Variants in PDE7B observed in about 807,000 individuals in gnomAD.
The protein encoded by PDE7B is phosphodiesterase 7B.
In PDE7B, 29 loss-of-function variants were observed where a neutral mutation model predicts 56.2. That is an observed-to-expected ratio of 0.52 (90% CI 0.38 to 0.70). PDE7B has a LOEUF of 0.70. Among genes scored for constraint, PDE7B ranks in the 30% least tolerant of loss-of-function variants. The pLI is 0.00. For synonymous variants in PDE7B, 197 were observed against 196.9 expected (o/e 1.00, Z 0.00); for missense variants, 490 against 565.0 (o/e 0.87, Z 1.35).
chr6:135,978,776 G>A (rs1223460576), intron 2 of PDE7B, among the ~76,000 whole-genome samples: 1 of 151,736 alleles, frequency 6.6e-6, no homozygotes, highest in Non-Finnish European at 1.5e-5. Context: ...GGAGATTTTG[G>A]GCTGAGACAA....
intron 2 of PDE7B, among the ~76,000 whole-genome samples, chr6:136,023,969 A>C (rs967745861): frequency 2.6e-5 from 4 of 152,136 alleles, no homozygotes; most frequent in African/African-American, 9.7e-5. Flanking sequence ...GCTTTTTGCA[A>C]TGCCATTAAG....
At chr6:136,048,107 G>C (rs1442659382) in intron 2 of PDE7B, among the ~76,000 whole-genome samples, 1 of 152,116 alleles carries the variant, frequency 6.6e-6, no homozygotes. Flanking sequence ...CAGACAGACA[G>C]ACAGATAGAT....
intron 5 of PDE7B, 25 bp downstream of exon 5, chr6:136,149,175 C>T (rs1450751367): frequency 1.4e-6 from 2 of 1,434,872 alleles, no homozygotes; most frequent in South Asian, 2.3e-5. Context: ...AGAATTCTCA[C>T]TAAAATATAC....
At chr6:135,864,340 C>T (rs1240830158) in intron 1 of PDE7B, among the ~76,000 whole-genome samples, 1 of 152,034 alleles carries the variant, frequency 6.6e-6, no homozygotes, top group African/African-American at 2.4e-5. Context: ...ACATCTTCTT[C>T]ATTCTTTCCT....
chr6:136,167,354 G>C (rs372063830), intron 8 of PDE7B, among the ~76,000 whole-genome samples: 6 of 152,118 alleles, frequency 3.9e-5, no homozygotes, highest in Non-Finnish European at 5.9e-5. Flanking sequence ...TGTGTCATGG[G>C]GGGGAACAGT....
At chr6:136,055,021 C>G (rs1776705830) in intron 2 of PDE7B, among the ~76,000 whole-genome samples, 1 of 152,172 alleles carries the variant, frequency 6.6e-6, no homozygotes. Context: ...AGGTGAGAGC[C>G]AAACCATATC....
At chr6:135,866,883 G>A (rs184547722) in intron 1 of PDE7B, among the ~76,000 whole-genome samples, 1 of 152,268 alleles carries the variant, frequency 6.6e-6, no homozygotes, top group Admixed American at 6.5e-5. Context: ...CCTAGAGTAA[G>A]CTTAGCTATG....
chr6:136,143,112 T>A lies in PDE7B; in HGVS notation c.167-4239T>A, dbSNP rs189482061. Among the ~76,000 whole-genome samples, 627 of 152,258 alleles carry A rather than the reference T, an allele frequency of 4.1e-3. 5 individuals are homozygous for A. The highest frequency in any genetic ancestry group is 0.014 in the African/African-American group (588 of 41,570). On this transcript the variant is annotated intron_variant, in intron 3 of 12. Coordinates refer to ENST00000308191, the MANE Select transcript of PDE7B (RefSeq NM_018945.4). ...ACTGGTTGTTCCTTTCCATGTTTAGTGCTTCCTTCAGGAGCTCTTTTAGGG... is the reference window on the plus strand; with the variant it reads ...ACTGGTTGTTCCTTTCCATGTTTAGAGCTTCCTTCAGGAGCTCTTTTAGGG...
chr6:136,096,379 A>G (rs940419782), intron 2 of PDE7B: 17 of 152,162 alleles, frequency 1.1e-4, no homozygotes, highest in Non-Finnish European at 2.1e-4. Context: ...AAGTTCAAAA[A>G]AACAAGAAAT....
At chr6:135,875,074 A>G (rs1282752071) in intron 1 of PDE7B, among the ~76,000 whole-genome samples, 2 of 151,952 alleles carry the variant, frequency 1.3e-5, no homozygotes, top group Non-Finnish European at 2.9e-5. Flanking sequence ...TTTTCCTGAT[A>G]GATCTTTTTT....
chr6:136,152,270 A>G (rs1237456209), intron 6 of PDE7B, among the ~76,000 whole-genome samples: 1 of 152,246 alleles, frequency 6.6e-6, no homozygotes, highest in Non-Finnish European at 1.5e-5. Flanking sequence ...ACAAACCTCC[A>G]GCAGCATGCG....
intron 2 of PDE7B, among the ~76,000 whole-genome samples, chr6:136,028,157 G>A (rs781394607): frequency 8.5e-5 from 13 of 152,236 alleles, no homozygotes; most frequent in East Asian, 1.9e-4. Flanking sequence ...AATTAAGGGC[G>A]CAGCACTGAG....
intron 1 of PDE7B, among the ~76,000 whole-genome samples, chr6:135,868,988 T>C (rs372415155): frequency 6.6e-6 from 1 of 152,160 alleles, no homozygotes; most frequent in East Asian, 1.9e-4. Context: ...AATATACATA[T>C]ATTATATCAA....
At chr6:136,000,466 A>G (rs1164346086) in intron 2 of PDE7B, among the ~76,000 whole-genome samples, 3 of 152,212 alleles carry the variant, frequency 2.0e-5, no homozygotes, top group Admixed American at 1.3e-4. Flanking sequence ...TCTTCTGCAC[A>G]TGGCTAGCCA....
At chr6:135,955,121 C>A (rs578150628) in intron 2 of PDE7B, among the ~76,000 whole-genome samples, 1 of 152,102 alleles carries the variant, frequency 6.6e-6, no homozygotes, top group African/African-American at 2.4e-5. Context: ...GTTCAATCAA[C>A]AAACACTTCA....
In PDE7B at chr6:136,163,495, G is replaced by A. The variant is rs7744749; in HGVS notation, c.711+7737G>A. ...CTCCCTAGGCCTCCAGGCCTGTGAT[G>A]GTTCGGGCTGCCATGGAGGTCTTAG... On this transcript the variant is annotated intron_variant, in intron 8 of 12. Coordinates refer to ENST00000308191, the MANE Select transcript of PDE7B (RefSeq NM_018945.4). Among the ~76,000 whole-genome samples, 714 of 152,338 alleles carry A rather than the reference G, an allele frequency of 4.7e-3. 4 individuals carry two copies. The highest frequency in any genetic ancestry group is 0.017 in the African/African-American group (688 of 41,590).
Position 136,189,602 on chromosome 6 carries a change from G to T in PDE7B, c.1127-2012G>T, listed in dbSNP as rs146384789. On this transcript the variant is annotated intron_variant, in intron 12 of 12. Transcript: ENST00000308191. ...AATTAATTAATTAAAACAAAAAAAG[G>T]TATTAAATCAAATGAAGCTCTAATT... Among the ~76,000 whole-genome samples, 505 of 152,152 alleles carry T rather than the reference G, an allele frequency of 3.3e-3. 4 individuals are homozygous for T. The highest frequency in any genetic ancestry group is 0.012 in the African/African-American group (480 of 41,528).
chr6:135,890,968 A>G (rs545312604), intron 1 of PDE7B, among the ~76,000 whole-genome samples: 1 of 152,340 alleles, frequency 6.6e-6, no homozygotes, highest in East Asian at 1.9e-4. Flanking sequence ...TCCTGCATCC[A>G]TAAGCCATGT....
chr6:135,881,995 T>C (rs917427756), intron 1 of PDE7B, among the ~76,000 whole-genome samples: 3 of 152,344 alleles, frequency 2.0e-5, no homozygotes, highest in Admixed American at 6.5e-5. Context: ...GGTGTAGTCT[T>C]TATTTAGTAG....
Sources: gnomAD v4.1 joint callset for allele counts (sites outside exome capture counted in the v4.1 genomes callset) on GRCh38, gnomAD v4.1.1 for gene constraint, MANE v1.5 for transcripts, NCBI Gene and HGNC (gene_info 2026-07-23, HGNC 2026-07-21) for gene names.